ERBB4: variants seen among roughly 807,000 people sequenced by gnomAD.
ERBB4 encodes erb-b2 receptor tyrosine kinase 4, also known as receptor tyrosine-protein kinase erbB-4.
In ERBB4, 42 loss-of-function variants were observed where a neutral mutation model predicts 158.0. The observed-to-expected ratio is 0.27, with a 90% CI of 0.21 to 0.34. ERBB4 has a LOEUF of 0.34. ERBB4 is among the 10% of genes least tolerant of loss of function. The pLI is 1.00. For missense variants in ERBB4, 1,333 were observed against 1,624.1 expected, an observed-to-expected ratio of 0.82 and a Z score of 3.08; for synonymous variants, 583 against 558.7, an observed-to-expected ratio of 1.04 and a Z score of -0.61.
At chr2:212,421,930 C>G (rs2091801347) in intron 1 of ERBB4, among the ~76,000 whole-genome samples, 1 of 152,154 alleles carries the variant, frequency 6.6e-6, no homozygotes, top group Non-Finnish European at 1.5e-5. Context: ...ATCTACACAA[C>G]TCTAATTCAA....
chr2:212,286,767 ATTT>A (rs748586400), intron 1 of ERBB4, among the ~76,000 whole-genome samples: 15 of 39,560 alleles, frequency 3.8e-4, no homozygotes, highest in Middle Eastern at 0.038. Context: ...ATGAGGGTTA[ATTT>A]TTTTTTTTTT....
At chr2:211,802,302 G>A (rs2076518659) in intron 3 of ERBB4, among the ~76,000 whole-genome samples, 1 of 151,814 alleles carries the variant, frequency 6.6e-6, no homozygotes, top group Non-Finnish European at 1.5e-5. Flanking sequence ...ACAGGTAGTG[G>A]GAATGCTAAT....
At chr2:212,451,886 T>C (rs1484942696) in intron 1 of ERBB4, among the ~76,000 whole-genome samples, 2 of 152,134 alleles carry the variant, frequency 1.3e-5, no homozygotes, top group Admixed American at 6.6e-5. Flanking sequence ...TAGATTTACA[T>C]GTGAGGGGCA....
At chr2:211,901,277 G>T (rs1384279584) in intron 3 of ERBB4, among the ~76,000 whole-genome samples, 2 of 152,040 alleles carry the variant, frequency 1.3e-5, no homozygotes, top group Non-Finnish European at 2.9e-5. Context: ...AATGGCATTT[G>T]CTCTCTTTTT....
intron 1 of ERBB4, among the ~76,000 whole-genome samples, chr2:212,398,870 G>A (rs918523357): frequency 6.6e-6 from 1 of 152,110 alleles, no homozygotes; most frequent in Non-Finnish European, 1.5e-5. Context: ...TAATTTATTA[G>A]TGTAAAAATA....
chr2:211,540,892 A>T (rs2066789904), intron 20 of ERBB4, among the ~76,000 whole-genome samples: 1 of 151,974 alleles, frequency 6.6e-6, no homozygotes, highest in Non-Finnish European at 1.5e-5. Context: ...AATTGATATA[A>T]ACAAGAGTTA....
chr2:211,541,473 A>G (rs2066807427), intron 20 of ERBB4, among the ~76,000 whole-genome samples: 1 of 151,980 alleles, frequency 6.6e-6, no homozygotes, highest in African/African-American at 2.4e-5. Context: ...ACCCAGAAAG[A>G]CAGTGTGCCC....
At chr2:211,418,091 T>C (rs1490978267) in intron 25 of ERBB4, among the ~76,000 whole-genome samples, 1 of 152,096 alleles carries the variant, frequency 6.6e-6, no homozygotes, top group Non-Finnish European at 1.5e-5. Context: ...ATTATTTTTT[T>C]TTTTTTTGGT....
intron 2 of ERBB4, among the ~76,000 whole-genome samples, chr2:211,986,464 G>A (rs2125242914): frequency 6.6e-6 from 1 of 152,290 alleles, no homozygotes; most frequent in East Asian, 1.9e-4. Context: ...TTTTTACTAA[G>A]TTTATGATTT....
At chr2:211,753,705 G>C (rs1412366351) in intron 4 of ERBB4, among the ~76,000 whole-genome samples, 1 of 150,614 alleles carries the variant, frequency 6.6e-6, no homozygotes, top group Non-Finnish European at 1.5e-5. Context: ...AGTGAAGAAT[G>C]TTAAGCACAG....
At chr2:212,119,120 C>A (rs2079664007) in intron 2 of ERBB4, among the ~76,000 whole-genome samples, 1 of 152,026 alleles carries the variant, frequency 6.6e-6, no homozygotes, top group South Asian at 2.1e-4. Flanking sequence ...CATGCATCAA[C>A]TGTTAAATAA....
chr2:211,390,796 T>C (rs1208810542), intron 25 of ERBB4, among the ~76,000 whole-genome samples: 3 of 152,188 alleles, frequency 2.0e-5, no homozygotes, highest in African/African-American at 7.2e-5. Context: ...ATCACAGTAA[T>C]AGGAGCATCT....
chr2:211,984,395 A>G lies in ERBB4; in HGVS notation c.235-36779T>C, dbSNP rs145985353. 3.7e-3 allele frequency among the ~76,000 whole-genome samples: 562 copies of G among 152,350 alleles called. 4 individuals carry two copies. The highest frequency in any genetic ancestry group is 6.7e-3 in the Non-Finnish European group (455 of 68,026). ...AAAATGAAAAAAGTATCTTTATAAT[A>G]GCATATTATGCTCTGAAAATTGCAT... On this transcript the variant is annotated intron_variant, in intron 2 of 27. Coordinates refer to ENST00000342788, the MANE Select transcript of ERBB4 (RefSeq NM_005235.3).
chr2:212,057,911 G>A (rs2077631196), intron 2 of ERBB4, among the ~76,000 whole-genome samples: 1 of 152,004 alleles, frequency 6.6e-6, no homozygotes, highest in South Asian at 2.1e-4. Context: ...GCTAGCAGAA[G>A]GCAAGAAATA....
chr2:212,491,624 T>C (rs191239244), intron 1 of ERBB4, among the ~76,000 whole-genome samples: 1 of 151,702 alleles, frequency 6.6e-6, no homozygotes, highest in Non-Finnish European at 1.5e-5. Context: ...AGAAATAGAT[T>C]ACTGCCTTTC....
chr2:212,206,161 G>A (rs191603712), intron 1 of ERBB4, among the ~76,000 whole-genome samples: 5 of 152,176 alleles, frequency 3.3e-5, no homozygotes, highest in African/African-American at 7.2e-5. Flanking sequence ...AGACCCTCAC[G>A]CATAGCCATG....
At chr2:211,724,149 T>G (rs1434343104) in intron 6 of ERBB4, among the ~76,000 whole-genome samples, 1 of 152,142 alleles carries the variant, frequency 6.6e-6, no homozygotes, top group African/African-American at 2.4e-5. Context: ...ACCTACTGAG[T>G]ATCTTCTTTA....
At chr2:212,452,134 G>C (rs1450128197) in intron 1 of ERBB4, among the ~76,000 whole-genome samples, 7 of 151,998 alleles carry the variant, frequency 4.6e-5, no homozygotes, top group Non-Finnish European at 1.0e-4. Context: ...GTGGAATGAA[G>C]GGGGAGGATG....
rs560859204 is a variant in ERBB4, at chr2:211,420,444, A to C, written c.3132T>G (p.Asn1044Lys). The C allele has an allele frequency of 6.2e-7, 1 of 1,606,494 alleles. No homozygotes were observed. The highest frequency in any genetic ancestry group is 8.5e-7 in the Non-Finnish European group (1 of 1,173,560). ...IYTSRARIDS[N>K]RSEIGHSPPP... ...TGTGTATATAATTATTTCTTACCCT[A>C]TTCGAGTCAATTCTTGCTCTGGAAG... The change falls in exon 25 of 28, where the codon AAT (asparagine) becomes AAG (lysine). Residue 1044 changes from asparagine to lysine, a missense_variant. Transcript: ENST00000342788.
Sources: gnomAD v4.1 joint callset for allele counts (sites outside exome capture counted in the v4.1 genomes callset) on GRCh38, gnomAD v4.1.1 for gene constraint, MANE v1.5 for transcripts, NCBI Gene and HGNC (gene_info 2026-07-23, HGNC 2026-07-21) for gene names.